IQCN: variants seen among roughly 807,000 people sequenced by gnomAD.
The protein encoded by IQCN is IQ domain-containing protein N.
In IQCN, 46 loss-of-function variants were observed where a neutral mutation model predicts 64.4. The observed-to-expected ratio is 0.71, with a 90% CI of 0.56 to 0.91. The LOEUF is 0.91. Ranked by LOEUF, IQCN falls within the 40% of genes least tolerant of loss-of-function variation. The probability of loss-of-function intolerance (pLI) is 0.00; values close to 1 mark genes in which losing one functional copy is unlikely to be tolerated. For missense variants in IQCN, 1,753 were observed against 1,857.4 expected, an observed-to-expected ratio of 0.94 and a Z score of 1.03; for synonymous variants, 733 against 775.6, an observed-to-expected ratio of 0.95 and a Z score of 0.91.
In IQCN at chr19:18,265,478, T is replaced by A; in HGVS notation, c.2062A>T (p.Thr688Ser). Reference protein sequence around the residue: ...LSQRPLAAPLTKASSQGHLPT... With the variant: ...LSQRPLAAPLSKASSQGHLPT... ...AGATGTCCCTGAGATGAGGCCTTGG[T>A]CAGCGGGGCGGCCAGTGGTCTCTGG... Residue 688 changes from threonine (T) to serine (S), a missense_variant, in exon 3 of 4, where the codon ACC (threonine) becomes TCC (serine). By Grantham distance (58) the Thr-to-Ser change is moderately conservative. Coordinates refer to ENST00000392413, the MANE Select transcript of IQCN (RefSeq NM_001145304.2). The surrounding 1 kb of genome is among the most constrained non-coding windows in gnomAD (Gnocchi z 4.7). 6.2e-7 allele frequency: 1 copy of A among 1,613,236 alleles called. No individual in the cohort carries two copies.
rs769141287 is a variant in IQCN at position 18,266,511 on chromosome 19, A to G, written c.1029T>C (p.Tyr343=). 3 of 1,606,586 alleles carry G rather than the reference A, an allele frequency of 1.9e-6. No individual in the cohort carries two copies. Among genetic ancestry groups the G allele is most frequent in the East Asian group, 2.2e-5 (1 of 44,740 alleles). Residue 343 remains tyrosine, a synonymous_variant, in exon 3 of 4, where the codon TAT becomes TAC. Coordinates refer to ENST00000392413, the MANE Select transcript of IQCN (RefSeq NM_001145304.2). This position sits in a 1 kb window ranked among gnomAD's most constrained non-coding sequence, Gnocchi z 4.3. ...PMITKTLLQT[Y]PVVSVTLPQT... is the part of the protein sequence containing the mutation. Reference sequence around the variant, plus strand: ...GTGGCAGGGTCACGGAGACCACTGGATATGTCTGGAGTAGAGTCTTGGTGA... The same window carrying G: ...GTGGCAGGGTCACGGAGACCACTGGGTATGTCTGGAGTAGAGTCTTGGTGA...
rs749817690 is a variant in IQCN at position 18,267,390 on chromosome 19, C to G, written c.150G>C (p.Ala50=). The change falls in exon 3 of 4, where the codon GCG becomes GCC. Residue 50 remains alanine (A), a synonymous_variant. Coordinates refer to ENST00000392413, the MANE Select transcript of IQCN (RefSeq NM_001145304.2). The stretch of plus-strand genomic sequence containing the variant: ...GGCCCTCGTGCTGGGGCTGTGGAGG[C>G]GCTTTCTCCATTTTGTCCAGGAGAC... The part of the protein sequence containing the change: ...HPSLLDKMEK[A]PPQPQHEGLK... The G allele has an allele frequency of 6.2e-7, 1 of 1,601,530 alleles. No homozygotes were observed.
chr19:18,267,114 C>G lies in IQCN; in HGVS notation c.426G>C (p.Lys142Asn), dbSNP rs372395309. ...ACTTGCTGGAGTGAAGGATGTGTCT[C>G]TTGTTGAAGCGCCGCCAGGCCTCCT... ...AIQEAWRRFN[K>N]RHILHSSKSL... The change falls in exon 3 of 4, where the codon AAG becomes AAC. Residue 142 changes from lysine to asparagine, a missense_variant. Lys to Asn is a moderately conservative substitution (Grantham distance 94). Transcript: ENST00000392413. 2 of 1,614,250 alleles carry G rather than the reference C, an allele frequency of 1.2e-6. No individual in the cohort carries two copies. The highest frequency in any genetic ancestry group is 1.7e-6 in the Non-Finnish European group (2 of 1,180,052).
intron 3 of IQCN, chr19:18,258,908 T>TC (rs1969373738): frequency 5.8e-6 from 1 of 171,288 alleles, no homozygotes; most frequent in African/African-American, 2.4e-5. Context: ...AGACCCTTTC[T>TC]CAGACAGGGA....
At chr19:18,273,614 G>T (rs1283021975) in intron 1 of IQCN, among the ~76,000 whole-genome samples, 1 of 152,196 alleles carries the variant, frequency 6.6e-6, no homozygotes, top group Non-Finnish European at 1.5e-5. Context: ...TTACAGGCGT[G>T]AGCCACCTTG....
Position 18,267,149 on chromosome 19 carries a change from TGGCCGCCATCATCTGGGAAATC to T in IQCN, c.369_390del (p.Ile124ArgfsTer23), listed in dbSNP as rs763447714. 6.2e-7 allele frequency: 1 copy of T among 1,614,258 alleles called. No homozygotes were observed. Among genetic ancestry groups the T allele is most frequent in the Non-Finnish European group, 8.5e-7 (1 of 1,180,052 alleles). On this transcript the variant is annotated frameshift_variant, in exon 3 of 4. Coordinates refer to ENST00000392413, the MANE Select transcript of IQCN (RefSeq NM_001145304.2). LOFTEE classifies it high-confidence loss of function. ...CGCCGCCAGGCCTCCTGGATGGCCT[TGGCCGCCATCATCTGGGAAATC>T]AGCTTCTGCCGGAGCCAATAGCCCC...
chr19:18,266,717 C>T lies in IQCN; in HGVS notation c.823G>A (p.Glu275Lys). 1 of 1,614,102 alleles carries T rather than the reference C, an allele frequency of 6.2e-7. No homozygotes were observed. Among genetic ancestry groups the T allele is most frequent in the East Asian group, 2.2e-5 (1 of 44,882 alleles). Residue 275 changes from glutamate (E) to lysine (K), a missense_variant, in exon 3 of 4, where the codon GAG (glutamate) becomes AAG (lysine). Transcript: ENST00000392413. The surrounding 1 kb of genome is among the most constrained non-coding windows in gnomAD (Gnocchi z 4.3). ...TIRSTCLVHI[E>K]GDSVKTKRVS... is the part of the protein sequence containing the mutation. ...CGTTTGGTCTTCACTGAGTCACCCT[C>T]TATGTGGACGAGGCAGGTGCTTCTG...
chr19:18,257,792 C>T lies in IQCN; in HGVS notation c.3492G>A (p.Thr1164=), dbSNP rs773614005. The T allele has an allele frequency of 2.9e-4, 466 of 1,610,934 alleles. 1 individual carries two copies. Among genetic ancestry groups the T allele is most frequent in the Middle Eastern group, 1.7e-4 (1 of 6,002 alleles). ...RNLAHLCRAT[T]TIQSAWRGYS... ...AGCCGCGCCAGGCAGACTGGATGGT[C>T]GTGGTGGCTCTGCAGAGGTGTGCCA... The change falls in exon 4 of 4, where the codon ACG becomes ACA. Residue 1164 remains threonine (T), a synonymous_variant. Coordinates refer to ENST00000392413, the MANE Select transcript of IQCN (RefSeq NM_001145304.2).
At position 18,267,297 on chromosome 19, in the gene IQCN, G is replaced by A. The variant is rs148879684; in HGVS notation, c.243C>T (p.Arg81=). The A allele has an allele frequency of 3.1e-6, 5 of 1,614,160 alleles. No homozygotes were observed. The Admixed American group carries it at 8.3e-5, about 27-fold the overall frequency. ...EGKTASRRVP[R]LRAVVESQAF... is the part of the protein sequence containing the mutation. ...CCTGGCTCTCGACCACAGCCCGGAG[G>A]CGTGGGACGCGGCGGGACGCCGTCT... The change falls in exon 3 of 4, where the codon CGC becomes CGT. Residue 81 remains arginine, a synonymous_variant. Coordinates refer to ENST00000392413, the MANE Select transcript of IQCN (RefSeq NM_001145304.2).
chr19:18,267,354 C>G lies in IQCN; in HGVS notation c.186G>C (p.Lys62Asn). The change falls in exon 3 of 4, where the codon AAG becomes AAC. Residue 62 changes from lysine to asparagine, a missense_variant. Coordinates refer to ENST00000392413, the MANE Select transcript of IQCN (RefSeq NM_001145304.2). ...PQPQHEGLKS[K>N]EHLPQQPAEG... ...CGGCAGGCTGTTGCGGAAGATGCTC[C>G]TTGGACTTGAGGCCCTCGTGCTGGG... The G allele has an allele frequency of 3.7e-6, 6 of 1,613,752 alleles. No homozygotes were observed. The highest frequency in any genetic ancestry group is 5.1e-6 in the Non-Finnish European group (6 of 1,179,752).
chr19:18,267,496 T>C lies in IQCN; in HGVS notation c.44A>G (p.Asn15Ser), dbSNP rs765916798. The part of the protein sequence containing the change: ...GRADLSGNQG[N>S]AAGRLATVHE... Reference sequence around the variant, plus strand: ...AACTGTAGCTAGGCGGCCGGCTGCATTGCCTTGATTACCGGACAGGTCAGC... The same window carrying C: ...AACTGTAGCTAGGCGGCCGGCTGCACTGCCTTGATTACCGGACAGGTCAGC... Residue 15 changes from asparagine to serine, a missense_variant, in exon 3 of 4, where the codon AAT becomes AGT. By Grantham distance (46) the Asn-to-Ser change is conservative. Coordinates refer to ENST00000392413, the MANE Select transcript of IQCN (RefSeq NM_001145304.2). 5.2e-6 allele frequency: 8 copies of C among 1,528,754 alleles called. No individual in the cohort carries two copies. The highest frequency in any genetic ancestry group is 2.2e-5 in the Admixed American group (1 of 45,958). The allele number at this position is 1,528,754 out of a possible 1,614,324, so 94.7% of individuals were successfully genotyped here. A position where few individuals can be genotyped will look rare whatever the true frequency, so the allele number is the denominator to read the frequency against.
chr19:18,264,298 T>C lies in IQCN; in HGVS notation c.3177+65A>G. 1 of 1,366,708 alleles carries C rather than the reference T, an allele frequency of 7.3e-7. No homozygotes were observed. Among genetic ancestry groups the C allele is most frequent in the Non-Finnish European group, 9.7e-7 (1 of 1,036,172 alleles). 84.7% of individuals were successfully genotyped at this position (1,366,708 alleles called of 1,614,324 possible). On this transcript the variant is annotated intron_variant, in intron 3 of 3. Transcript: ENST00000392413. The surrounding 1 kb of genome is among the most constrained non-coding windows in gnomAD (Gnocchi z 4.3). Reference sequence around the variant, plus strand: ...ATGGCCCCATCAATCCCCCATCTCCTCCAAGGGCCCGGCAGGTTGGCCCAT... The same window carrying C: ...ATGGCCCCATCAATCCCCCATCTCCCCCAAGGGCCCGGCAGGTTGGCCCAT...
chr19:18,274,109 AT>A (rs1450554334), intron 1 of IQCN, among the ~76,000 whole-genome samples: 1 of 152,158 alleles, frequency 6.6e-6, no homozygotes, highest in African/African-American at 2.4e-5. Context: ...ATTTAAAAAA[AT>A]AATAATAAAG....
At chr19:18,260,513 A>C (rs1008228938) in intron 3 of IQCN, 4 of 152,608 alleles carry the variant, frequency 2.6e-5, no homozygotes, top group Non-Finnish European at 4.4e-5. Context: ...GGGCCAACCT[A>C]GTGTCCGGGG....
intron 1 of IQCN, among the ~76,000 whole-genome samples, chr19:18,272,372 C>T (rs1316510473): frequency 6.6e-6 from 1 of 151,906 alleles, no homozygotes; most frequent in Non-Finnish European, 1.5e-5. Context: ...AGGTGATCCA[C>T]CCACCTTGGC....
intron 1 of IQCN, among the ~76,000 whole-genome samples, chr19:18,270,202 A>C (rs1380155933): frequency 6.6e-6 from 1 of 151,572 alleles, no homozygotes; most frequent in East Asian, 1.9e-4. Flanking sequence ...TCTACTAAAA[A>C]TACAAGAAAT....
Position 18,257,767 on chromosome 19 carries a change from A to G in IQCN, c.3517T>C (p.Tyr1173His), listed in dbSNP as rs371883594. The G allele has an allele frequency of 5.0e-6, 8 of 1,610,804 alleles. No homozygotes were observed. Among genetic ancestry groups the G allele is most frequent in the Non-Finnish European group, 6.8e-6 (8 of 1,179,046 alleles). ...TTTIQSAWRGYSTRRDQARHW... is the reference protein window; with the variant it reads ...TTTIQSAWRGHSTRRDQARHW... ...CGGGCTTGGTCCCGGCGGGTGCTGT[A>G]GCCGCGCCAGGCAGACTGGATGGTC... Residue 1173 changes from tyrosine (Y) to histidine (H), a missense_variant, in exon 4 of 4, where the codon TAC (tyrosine) becomes CAC (histidine). Physicochemically the swap from Tyr to His is moderately conservative, Grantham distance 83 (BLOSUM62 2). Transcript: ENST00000392413.
intron 1 of IQCN, 29 bp from the exon 2 acceptor site, chr19:18,269,616 G>T: frequency 3.7e-6 from 2 of 545,354 alleles, no homozygotes; most frequent in Admixed American, 8.2e-5. Flanking sequence ...AAAAAGAAAT[G>T]TTAAAAGCAA....
Position 18,266,868 on chromosome 19 carries a change from C to A in IQCN, c.672G>T (p.Val224=). The change falls in exon 3 of 4, where the codon GTG becomes GTT. Residue 224 remains valine (V), a synonymous_variant. Transcript: ENST00000392413. This position sits in a 1 kb window ranked among gnomAD's most constrained non-coding sequence, Gnocchi z 4.3. ...GGACTCTGGCAGCATGAGGACCCTGCACACAGGGCTCTGGGGTACCCTGAG... is the reference window on the plus strand; with the variant it reads ...GGACTCTGGCAGCATGAGGACCCTGAACACAGGGCTCTGGGGTACCCTGAG... The part of the protein sequence containing the change: ...PAAQGTPEPC[V]QGPHAARVRG... 2 of 1,612,802 alleles carry A rather than the reference C, an allele frequency of 1.2e-6. No homozygotes were observed. The highest frequency in any genetic ancestry group is 1.1e-5 in the South Asian group (1 of 90,970).
Sources: gnomAD v4.1 joint callset for allele counts (sites outside exome capture counted in the v4.1 genomes callset) on GRCh38, gnomAD v4.1.1 for gene constraint, Gnocchi (gnomAD v3.1) non-coding constraint, MANE v1.5 for transcripts, NCBI Gene and HGNC (gene_info 2026-07-23, HGNC 2026-07-21) for gene names.